The following KCNQ5 variants were observed in gnomAD, a reference collection of about 807,000 sequenced individuals.
The protein encoded by KCNQ5 is potassium voltage-gated channel subfamily Q member 5, also known as potassium voltage-gated channel subfamily KQT member 5.
Under a neutral mutation model 98.2 loss-of-function variants are expected in KCNQ5, and 30 were observed. The ratio of observed to expected loss-of-function variants is 0.31; its 90% CI spans 0.23 to 0.41. KCNQ5 has a LOEUF of 0.41. Ranked by LOEUF, KCNQ5 falls within the 10% of genes least tolerant of loss-of-function variation. KCNQ5 has a pLI of 1.00. For missense variants in KCNQ5, 835 were observed against 1,182.5 expected, an observed-to-expected ratio of 0.71 and a Z score of 4.31; for synonymous variants, 458 against 449.4, an observed-to-expected ratio of 1.02 and a Z score of -0.24.
chr6:72,910,563 GGT>G (rs963735270), intron 1 of KCNQ5, among the ~76,000 whole-genome samples: 506 of 43,068 alleles, frequency 0.012, 1 homozygote, highest in African/African-American at 0.029. Flanking sequence ...AAGGTAGGGG[GGT>G]GTGTGTGTGT....
intron 1 of KCNQ5, among the ~76,000 whole-genome samples, chr6:72,778,468 G>T (rs1773276841): frequency 6.6e-6 from 1 of 151,918 alleles, no homozygotes. Context: ...GACCCCCAGA[G>T]GAGGGGACTG....
At chr6:72,708,290 A>G (rs1413984408) in intron 1 of KCNQ5, among the ~76,000 whole-genome samples, 2 of 152,194 alleles carry the variant, frequency 1.3e-5, no homozygotes, top group South Asian at 2.1e-4. Context: ...CATATTTTAC[A>G]TGTATTAAGA....
At position 72,927,238 on chromosome 6, in the gene KCNQ5, T is replaced by C. The variant is rs370340671; in HGVS notation, c.399-76670T>C. 2.0e-5 allele frequency among the ~76,000 whole-genome samples: 3 copies of C among 152,312 alleles called. No homozygotes were observed. The South Asian group carries it at 6.2e-4, about 32-fold the overall frequency. On this transcript the variant is annotated intron_variant, in intron 1 of 13. Transcript: ENST00000370398. The stretch of plus-strand genomic sequence containing the variant: ...GCTAAAAGTTTTACAACCCGAATTC[T>C]GTAGTTTTAATTTGTGGCAAATATC...
At chr6:72,945,610 A>G (rs9360621) in intron 1 of KCNQ5, among the ~76,000 whole-genome samples, 26,583 of 151,678 alleles carry the variant, frequency 0.18, 2,478 homozygotes, top group East Asian at 0.25. Flanking sequence ...GCAGGCCACC[A>G]TGCCTGGCTA....
intron 1 of KCNQ5, among the ~76,000 whole-genome samples, chr6:72,649,358 A>G (rs1765763996): frequency 6.6e-6 from 1 of 152,196 alleles, no homozygotes; most frequent in Admixed American, 6.5e-5. Context: ...TTCATAAACC[A>G]AGGGGTTTAA....
chr6:72,737,276 G>C (rs1018390361), intron 1 of KCNQ5, among the ~76,000 whole-genome samples: 7 of 152,108 alleles, frequency 4.6e-5, no homozygotes, highest in African/African-American at 1.7e-4. Context: ...CATTTTAGTA[G>C]TAACAGTTTG....
chr6:73,071,833 T>C (rs573155862), intron 3 of KCNQ5, among the ~76,000 whole-genome samples: 10 of 152,326 alleles, frequency 6.6e-5, no homozygotes, highest in African/African-American at 2.4e-4. Flanking sequence ...TTCAACATGA[T>C]ATTTGGAGGT....
intron 1 of KCNQ5, among the ~76,000 whole-genome samples, chr6:72,835,036 C>T (rs766861628): frequency 1.4e-4 from 21 of 151,994 alleles, no homozygotes; most frequent in Admixed American, 2.6e-4. Flanking sequence ...GTATGTGAAA[C>T]CCCCAAACTC....
At chr6:73,005,734 G>A (rs1769783547) in intron 2 of KCNQ5, among the ~76,000 whole-genome samples, 1 of 152,210 alleles carries the variant, frequency 6.6e-6, no homozygotes, top group South Asian at 2.1e-4. Flanking sequence ...ATTTAGCAAG[G>A]TGGAAATGAG....
intron 1 of KCNQ5, among the ~76,000 whole-genome samples, chr6:72,915,274 G>C (rs894338068): frequency 1.3e-5 from 2 of 152,120 alleles, no homozygotes; most frequent in Admixed American, 1.3e-4. Context: ...CATGAGGAAA[G>C]ACTTCTCAGT....
intron 1 of KCNQ5, chr6:72,986,977 G>A (rs758210769): frequency 6.2e-6 from 5 of 809,002 alleles, no homozygotes; most frequent in Non-Finnish European, 1.0e-5. Flanking sequence ...GAGCACAGTG[G>A]GAAGGTGAAG....
intron 5 of KCNQ5, among the ~76,000 whole-genome samples, chr6:73,097,147 A>ATATATATATATATATATATG (rs1443446071): frequency 8.9e-5 from 13 of 145,834 alleles, no homozygotes; most frequent in Non-Finnish European, 2.0e-4. Flanking sequence ...GATCTCATAT[A>ATATATATATATATATATATG]TATATATATA....
chr6:72,922,486 C>A (rs1343638541), intron 1 of KCNQ5, among the ~76,000 whole-genome samples: 1 of 151,988 alleles, frequency 6.6e-6, no homozygotes, highest in Non-Finnish European at 1.5e-5. Context: ...TCATAGTTAC[C>A]ATTACCCACA....
intron 10 of KCNQ5, among the ~76,000 whole-genome samples, chr6:73,164,358 C>A (rs1217240923): frequency 1.3e-5 from 2 of 152,160 alleles, no homozygotes; most frequent in African/African-American, 4.8e-5. Flanking sequence ...TATTCATTTG[C>A]TCTAACTACA....
chr6:73,049,075 G>A (rs1165823780), intron 3 of KCNQ5, among the ~76,000 whole-genome samples: 2 of 152,178 alleles, frequency 1.3e-5, no homozygotes, highest in African/African-American at 4.8e-5. Context: ...GCCAGTATGA[G>A]TCCCATTAAC....
At chr6:73,122,283 T>C (rs1024526352) in intron 8 of KCNQ5, among the ~76,000 whole-genome samples, 3 of 152,210 alleles carry the variant, frequency 2.0e-5, no homozygotes, top group Non-Finnish European at 4.4e-5. Flanking sequence ...GAGTGGTCTA[T>C]TATCATATGT....
chr6:73,075,225 CTT>C (rs60204032), intron 3 of KCNQ5, among the ~76,000 whole-genome samples: 329 of 131,530 alleles, frequency 2.5e-3, no homozygotes, highest in African/African-American at 3.4e-3. Context: ...TATAGTCTCA[CTT>C]TTTTTTTTTT....
chr6:73,156,209 T>TA (rs1244173677), intron 10 of KCNQ5, among the ~76,000 whole-genome samples: 1 of 152,164 alleles, frequency 6.6e-6, no homozygotes, highest in East Asian at 1.9e-4. Context: ...CCTTGGAAAG[T>TA]AAATTATAAT....
At chr6:72,815,156 C>G (rs1440929989) in intron 1 of KCNQ5, among the ~76,000 whole-genome samples, 4 of 152,088 alleles carry the variant, frequency 2.6e-5, no homozygotes, top group African/African-American at 9.7e-5. Flanking sequence ...CTTTTACTCT[C>G]AAGGAGCCTA....
Sources: allele counts gnomAD v4.1 joint callset (sites outside exome capture counted in the v4.1 genomes callset), GRCh38; gene constraint gnomAD v4.1.1; transcripts MANE v1.5; gene names NCBI Gene and HGNC (gene_info 2026-07-23, HGNC 2026-07-21).